PDGFD: variants seen among roughly 807,000 people sequenced by gnomAD.
The protein encoded by PDGFD is platelet-derived growth factor D.
In PDGFD, 30 loss-of-function variants were observed where a neutral mutation model predicts 44.7. That is an observed-to-expected ratio of 0.67 (90% CI 0.50 to 0.91). PDGFD has a LOEUF of 0.91. PDGFD is among the 40% of genes least tolerant of loss of function. The pLI is 0.00. For synonymous variants in PDGFD, 173 were observed against 168.4 expected, an observed-to-expected ratio of 1.03 and a Z score of -0.21; for missense variants, 445 against 457.8, an observed-to-expected ratio of 0.97 and a Z score of 0.25.
At chr11:103,964,515 A>G (rs881364) in intron 3 of PDGFD, among the ~76,000 whole-genome samples, 124,281 of 152,114 alleles carry the variant, frequency 0.82, 53,608 homozygotes, top group East Asian at 1. Context: ...GTGCACTCTA[A>G]CATATGCTTT....
chr11:103,982,456 GT>G (rs1204309299), intron 3 of PDGFD, among the ~76,000 whole-genome samples: 7 of 151,472 alleles, frequency 4.6e-5, no homozygotes, highest in African/African-American at 1.7e-4. Flanking sequence ...ATGTATGTGG[GT>G]TTTTATGGAT....
Position 103,996,254 on chromosome 11 carries a change from A to G in PDGFD, c.330-9T>C. 1 of 1,593,660 alleles carries G rather than the reference A, an allele frequency of 6.3e-7. No individual in the cohort carries two copies. Among genetic ancestry groups the G allele is most frequent in the Non-Finnish European group, 8.5e-7 (1 of 1,170,010 alleles). On this transcript the variant is annotated splice_polypyrimidine_tract_variant and intron_variant, in intron 2 of 6. Coordinates refer to ENST00000393158, the MANE Select transcript of PDGFD (RefSeq NM_025208.5). ...CTTCCACAAAATCATACCTAGAATC[A>G]ATTGGACATAATGAACAAGTTTTGA...
chr11:104,086,708 C>T (rs564795559), intron 1 of PDGFD, among the ~76,000 whole-genome samples: 1 of 152,288 alleles, frequency 6.6e-6, no homozygotes, highest in African/African-American at 2.4e-5. Context: ...TTTCCCAGGT[C>T]CTCATCTTGC....
At chr11:104,093,982 TGTGCTG>T (rs1488522443) in intron 1 of PDGFD, among the ~76,000 whole-genome samples, 1 of 151,774 alleles carries the variant, frequency 6.6e-6, no homozygotes, top group Non-Finnish European at 1.5e-5. Context: ...CTTGCTTACA[TGTGCTG>T]CCTGCCTTAT....
chr11:103,977,069 C>T (rs532249138), intron 3 of PDGFD, among the ~76,000 whole-genome samples: 3 of 152,068 alleles, frequency 2.0e-5, no homozygotes, highest in African/African-American at 7.2e-5. Context: ...AACACCTCTA[C>T]GCAAATAAAC....
chr11:103,995,553 T>C (rs1477244010), intron 3 of PDGFD, among the ~76,000 whole-genome samples: 1 of 152,206 alleles, frequency 6.6e-6, no homozygotes, highest in East Asian at 1.9e-4. Context: ...TTGGACCTTT[T>C]GATTTTGCAG....
At chr11:103,958,901 A>G (rs1858895498) in intron 3 of PDGFD, among the ~76,000 whole-genome samples, 1 of 152,174 alleles carries the variant, frequency 6.6e-6, no homozygotes, top group Non-Finnish European at 1.5e-5. Flanking sequence ...TTATCTCTAA[A>G]AACTCAAATT....
intron 3 of PDGFD, among the ~76,000 whole-genome samples, chr11:103,948,939 T>C (rs531821917): frequency 8.1e-6 from 1 of 122,868 alleles, no homozygotes; most frequent in African/African-American, 3.7e-5. Context: ...ATCCCAGAAC[T>C]TAAAGTAAAA....
chr11:104,004,197 G>A (rs897877135), intron 1 of PDGFD, among the ~76,000 whole-genome samples: 2 of 152,126 alleles, frequency 1.3e-5, no homozygotes, highest in Non-Finnish European at 2.9e-5. Context: ...TAGAAGGGGT[G>A]GGGAGAGGGG....
intron 6 of PDGFD, among the ~76,000 whole-genome samples, chr11:103,916,245 GA>G (rs962881925): frequency 6.6e-6 from 1 of 151,896 alleles, no homozygotes; most frequent in Non-Finnish European, 1.5e-5. Context: ...AAATTTACAA[GA>G]AAAAAACAAC....
intron 1 of PDGFD, among the ~76,000 whole-genome samples, chr11:104,122,885 G>T (rs1861796797): frequency 6.6e-6 from 1 of 151,778 alleles, no homozygotes; most frequent in African/African-American, 2.4e-5. Flanking sequence ...TAGATAGAAA[G>T]AAATTTTATA....
chr11:104,127,350 T>G (rs897795265), intron 1 of PDGFD, among the ~76,000 whole-genome samples: 4 of 152,068 alleles, frequency 2.6e-5, no homozygotes, highest in Non-Finnish European at 5.9e-5. Flanking sequence ...GATCAGGACT[T>G]AGAGAGTTTT....
At chr11:103,991,150 A>T (rs59710263) in intron 3 of PDGFD, among the ~76,000 whole-genome samples, 1 of 140,660 alleles carries the variant, frequency 7.1e-6, no homozygotes. Flanking sequence ...AAAAAGAAAA[A>T]AAAAAAAATT....
intron 1 of PDGFD, among the ~76,000 whole-genome samples, chr11:104,096,265 C>G (rs192792161): frequency 6.6e-6 from 1 of 151,722 alleles, no homozygotes; most frequent in Non-Finnish European, 1.5e-5. Context: ...AAAAAAGTAG[C>G]TCTCTTATGT....
chr11:104,075,117 A>T lies in PDGFD; in HGVS notation c.125-74862T>A, dbSNP rs151264130. ...AGGGTCATTATTCTGTAATGCCATA[A>T]CATGAAAATGCAGCTTGAAAATAGG... On this transcript the variant is annotated intron_variant, in intron 1 of 6. Transcript: ENST00000393158. 4.6e-3 allele frequency among the ~76,000 whole-genome samples: 701 copies of T among 152,322 alleles called. 4 individuals carry two copies. The highest frequency in any genetic ancestry group is 0.016 in the African/African-American group (666 of 41,572).
In PDGFD at chr11:103,968,402, A is replaced by G. The variant is rs560845133; in HGVS notation, c.511-20678T>C. On this transcript the variant is annotated intron_variant, in intron 3 of 6. Coordinates refer to ENST00000393158, the MANE Select transcript of PDGFD (RefSeq NM_025208.5). ...ACGGGACGTCTGATAAGCTCCTTAA[A>G]CTCAACAGGTCCAAAGTATTATTAT... is the stretch of plus-strand genomic sequence containing the variant. Among the ~76,000 whole-genome samples, 6 of 152,148 alleles carry G rather than the reference A, an allele frequency of 3.9e-5. No individual in the cohort carries two copies. In the South Asian group the frequency reaches 1.2e-3, roughly 32 times the overall value.
intron 3 of PDGFD, among the ~76,000 whole-genome samples, chr11:103,961,150 A>G (rs1297938427): frequency 6.6e-6 from 1 of 152,208 alleles, no homozygotes; most frequent in East Asian, 1.9e-4. Context: ...CCAAGTACCT[A>G]CAACAGGGCC....
chr11:103,925,359 AAACAGT>A (rs1269690929), intron 6 of PDGFD, among the ~76,000 whole-genome samples: 1 of 152,180 alleles, frequency 6.6e-6, no homozygotes, highest in Non-Finnish European at 1.5e-5. Flanking sequence ...AGAGCAACTC[AAACAGT>A]AATTCCTAAC....
At chr11:104,006,366 C>G (rs1202770142) in intron 1 of PDGFD, among the ~76,000 whole-genome samples, 2 of 152,204 alleles carry the variant, frequency 1.3e-5, no homozygotes, top group Admixed American at 6.5e-5. Flanking sequence ...TTCCTACTTT[C>G]CTGCCACCTC....
Sources: gnomAD v4.1 joint callset for allele counts (sites outside exome capture counted in the v4.1 genomes callset) on GRCh38, gnomAD v4.1.1 for gene constraint, MANE v1.5 for transcripts, NCBI Gene and HGNC (gene_info 2026-07-23, HGNC 2026-07-21) for gene names.